MIA2: variants seen among roughly 807,000 people sequenced by gnomAD.
MIA2 encodes melanoma inhibitory activity protein 2.
Under a neutral mutation model 167.8 loss-of-function variants are expected in MIA2, and 127 were observed. The ratio of observed to expected loss-of-function variants is 0.76; its 90% CI spans 0.66 to 0.88. The LOEUF is 0.88. MIA2 is among the 40% of genes least tolerant of loss of function. The pLI is 0.00. For synonymous variants in MIA2, 552 were observed against 541.9 expected (o/e 1.02, Z -0.26); for missense variants, 1,690 against 1,624.7 (o/e 1.04, Z -0.69).
chr14:39,366,861 C>G (rs1322237083), intron 23 of MIA2, among the ~76,000 whole-genome samples: 1 of 152,122 alleles, frequency 6.6e-6, no homozygotes, highest in South Asian at 2.1e-4. Flanking sequence ...AGGTAGGCAA[C>G]TCGTAGGCTC....
chr14:39,308,564 A>G lies in MIA2; in HGVS notation c.2994A>G (p.Gln998=), dbSNP rs745510984. Reference sequence around the variant, plus strand: ...TTAAAGTAATGACTGAATTATATCAAGAAAATGAAATGAAACTCCACAGGT... The same window carrying G: ...TTAAAGTAATGACTGAATTATATCAGGAAAATGAAATGAAACTCCACAGGT... ...QKLKVMTELY[Q]ENEMKLHRKL... is the part of the protein sequence containing the mutation. The change falls in exon 18 of 29, where the codon CAA becomes CAG. Residue 998 remains glutamine, a synonymous_variant. Transcript: ENST00000640607. The G allele has an allele frequency of 1.3e-6, 2 of 1,562,040 alleles. No homozygotes were observed. Among genetic ancestry groups the G allele is most frequent in the East Asian group, 4.6e-5 (2 of 43,508 alleles).
Position 39,269,074 on chromosome 14 carries a change from G to GTTTTTTTTTTTTTTTTT in MIA2, c.1888-7851_1888-7835dup, listed in dbSNP as rs3065036. 1.0e-4 allele frequency: 61 copies of GTTTTTTTTTTTTTTTTT among 583,220 alleles called. 7 individuals carry two copies. The highest frequency in any genetic ancestry group is 3.0e-4 in the Admixed American group (2 of 6,576). The allele number at this position is 583,220 out of a possible 1,614,324, so 36.1% of individuals were successfully genotyped here. A position where few individuals can be genotyped will look rare whatever the true frequency, so the allele number is the denominator to read the frequency against. On this transcript the variant is annotated intron_variant, in intron 6 of 28. Coordinates refer to ENST00000640607, the MANE Select transcript of MIA2 (RefSeq NM_001329214.4). ...GGTGCGTTGTATCTTCACCTGCACA[G>GTTTTTTTTTTTTTTTTT]TTTTTTTTTTTTTTTTTTTTTTTTT...
chr14:39,362,222 TTCC>T (rs1183432557), intron 23 of MIA2, among the ~76,000 whole-genome samples: 1 of 152,210 alleles, frequency 6.6e-6, no homozygotes, highest in Non-Finnish European at 1.5e-5. Context: ...TAGGGAAAAT[TTCC>T]TCCTCTTCAT....
intron 4 of MIA2, among the ~76,000 whole-genome samples, chr14:39,251,745 A>G (rs140459300): frequency 6.6e-6 from 1 of 152,120 alleles, no homozygotes; most frequent in Non-Finnish European, 1.5e-5. Context: ...CTCAATTGGG[A>G]CTTTCATCTT....
chr14:39,359,597 C>G (rs577184577), intron 23 of MIA2, among the ~76,000 whole-genome samples: 1 of 152,158 alleles, frequency 6.6e-6, no homozygotes, highest in Admixed American at 6.5e-5. Context: ...GAGATGAACC[C>G]GGTACCTCTA....
chr14:39,267,654 C>T (rs750734999), intron 6 of MIA2: 15 of 1,060,470 alleles, frequency 1.4e-5, no homozygotes, highest in South Asian at 3.1e-5. Flanking sequence ...CGTCTGCTGC[C>T]CGGCTCCCGC....
At chr14:39,334,088 T>C (rs2069657129) in intron 25 of MIA2, among the ~76,000 whole-genome samples, 1 of 152,248 alleles carries the variant, frequency 6.6e-6, no homozygotes, top group Admixed American at 6.5e-5. Flanking sequence ...AGAGTAATGC[T>C]GATAAATGTA....
At chr14:39,367,969 C>G (rs1162582935) in intron 23 of MIA2, among the ~76,000 whole-genome samples, 1 of 152,122 alleles carries the variant, frequency 6.6e-6, no homozygotes. Context: ...GGTGAGAAGT[C>G]TGAAGGAAAT....
At chr14:39,380,098 A>T (rs1019662190) in intron 23 of MIA2, among the ~76,000 whole-genome samples, 1 of 152,224 alleles carries the variant, frequency 6.6e-6, no homozygotes, top group Non-Finnish European at 1.5e-5. Flanking sequence ...TAGATATATT[A>T]AGCCAAGAGC....
At chr14:39,322,636 T>G (rs1168943346) in intron 24 of MIA2, among the ~76,000 whole-genome samples, 10 of 151,750 alleles carry the variant, frequency 6.6e-5, no homozygotes, top group Non-Finnish European at 2.9e-5. Context: ...TTAGCTATTC[T>G]ACATTTATCT....
chr14:39,329,364 A>C (rs1422450367), intron 25 of MIA2, among the ~76,000 whole-genome samples: 4 of 152,174 alleles, frequency 2.6e-5, no homozygotes, highest in Admixed American at 2.6e-4. Context: ...TTGGGCTGAG[A>C]TGATGGGGTT....
At chr14:39,334,348 G>A (rs374558150) in intron 25 of MIA2, among the ~76,000 whole-genome samples, 1 of 151,866 alleles carries the variant, frequency 6.6e-6, no homozygotes, top group East Asian at 2.0e-4. Flanking sequence ...GGTGGCAGGC[G>A]CCTGTAATCT....
rs35478238 is a variant in MIA2 at position 39,311,466 on chromosome 14, C to CTTTTTTTTTTTTTTTTTTTT, written c.3018-1867_3018-1848dup. ...TAGGACCTAGAAGCTTGATGTGTTGCTTTTTTTTTTTTTTTTTTTTTTTTT... is the reference window on the plus strand; with the variant it reads ...TAGGACCTAGAAGCTTGATGTGTTGCTTTTTTTTTTTTTTTTTTTTTTTTTTTTTTTTTTTTTTTTTTTTT... On this transcript the variant is annotated intron_variant, in intron 18 of 28. Transcript: ENST00000640607. Among the ~76,000 whole-genome samples, 4 of 43,322 alleles carry CTTTTTTTTTTTTTTTTTTTT rather than the reference C, an allele frequency of 9.2e-5. 1 individual carries two copies. Among genetic ancestry groups the CTTTTTTTTTTTTTTTTTTTT allele is most frequent in the African/African-American group, 9.3e-5 (1 of 10,774 alleles). The allele number at this position is 43,322 out of a possible 152,430, so 28.4% of individuals were successfully genotyped here. A position where few individuals can be genotyped will look rare whatever the true frequency, so the allele number is the denominator to read the frequency against.
In MIA2 at chr14:39,364,441, T is replaced by G. The variant is rs187307432; in HGVS notation, c.2248+15464T>G. ...AGTTTATTGTGGTTTGTTGGTTTTT[T>G]TTTTGTTTTGTTTTTTTTTGTAGTG... is the stretch of plus-strand genomic sequence containing the variant. On this transcript the variant is annotated intron_variant, in intron 23 of 23. Transcript: ENST00000341502. Among the ~76,000 whole-genome samples the G allele has an allele frequency of 1.4e-3, 208 of 152,204 alleles. 1 individual carries two copies. Among genetic ancestry groups the G allele is most frequent in the South Asian group, 2.3e-3 (11 of 4,822 alleles).
Position 39,304,283 on chromosome 14 carries a change from CT to C in MIA2, c.2788-5del. ...ATGTTACTTTTTTCCTTCTTCCCTT[CT>C]TTAAAGTTAAATGCTTCTTTAAAAA... On this transcript the variant is annotated splice_polypyrimidine_tract_variant and splice_region_variant and intron_variant, in intron 16 of 28. Transcript: ENST00000640607. The C allele has an allele frequency of 7.4e-7, 1 of 1,344,684 alleles. No homozygotes were observed. The highest frequency in any genetic ancestry group is 1.0e-6 in the Non-Finnish European group (1 of 971,590). 83.3% of individuals were successfully genotyped at this position (1,344,684 alleles called of 1,614,324 possible).
chr14:39,293,952 G>A (rs747180076), intron 11 of MIA2, 48 bp from the exon 12 acceptor site: 7 of 1,436,218 alleles, frequency 4.9e-6, no homozygotes, highest in Admixed American at 1.8e-5. Flanking sequence ...ATGGCATTTT[G>A]GAAACTAGAG....
chr14:39,334,588 T>C (rs1368807687), intron 25 of MIA2, among the ~76,000 whole-genome samples: 3 of 150,208 alleles, frequency 2.0e-5, no homozygotes, highest in African/African-American at 7.3e-5. Context: ...TTTTTTGAAG[T>C]GGAGTTTCAC....
chr14:39,386,382 A>C, intron 23 of MIA2: 1 of 1,549,718 alleles, frequency 6.5e-7, no homozygotes, highest in Non-Finnish European at 8.9e-7. Context: ...TCTTTTGAGC[A>C]AACGCTTACA....
At position 39,248,125 on chromosome 14, in the gene MIA2, T is replaced by A; in HGVS notation, c.1551T>A (p.Ser517Arg). 6.8e-7 allele frequency: 1 copy of A among 1,477,944 alleles called. No homozygotes were observed. Among genetic ancestry groups the A allele is most frequent in the Non-Finnish European group, 9.0e-7 (1 of 1,104,978 alleles). 91.6% of individuals were successfully genotyped at this position (1,477,944 alleles called of 1,614,324 possible). Residue 517 changes from serine (S) to arginine (R), a missense_variant, in exon 4 of 29, where the codon AGT (serine) becomes AGA (arginine). Physicochemically the swap from Ser to Arg is moderately radical, Grantham distance 110 (BLOSUM62 -1). Transcript: ENST00000640607. ...TDNTKVMIFK[S>R]SYSLSDMVSN... The stretch of plus-strand genomic sequence containing the variant: ...ATACAAAAGTTATGATATTCAAAAG[T>A]TCATACAGTCTGTCAGGTTGGTATG...
Sources: gnomAD v4.1 joint callset for allele counts (sites outside exome capture counted in the v4.1 genomes callset) on GRCh38, gnomAD v4.1.1 for gene constraint, MANE v1.5 for transcripts, NCBI Gene and HGNC (gene_info 2026-07-23, HGNC 2026-07-21) for gene names.